PIK3C2G: variants seen among roughly 807,000 people sequenced by gnomAD.
The protein encoded by PIK3C2G is phosphatidylinositol-4-phosphate 3-kinase catalytic subunit type 2 gamma, also known as phosphatidylinositol 3-kinase C2 domain-containing subunit gamma.
Under a neutral mutation model 181.1 loss-of-function variants are expected in PIK3C2G, and 168 were observed. The observed-to-expected ratio is 0.93, with a 90% confidence interval of 0.82 to 1.05. PIK3C2G has a LOEUF of 1.05. PIK3C2G is among the 50% of genes least tolerant of loss of function. The pLI, the probability that PIK3C2G is intolerant of heterozygous loss-of-function variation, is 0.00. For synonymous variants in PIK3C2G, 573 were observed against 592.2 expected (o/e 0.97, Z 0.47); for missense variants, 1,869 against 1,732.8 (o/e 1.08, Z -1.40).
At chr12:18,496,007 G>T in intron 20 of PIK3C2G, 55 bp from the exon 21 acceptor site, 1 of 900,482 alleles carries the variant, frequency 1.1e-6, no homozygotes, top group South Asian at 1.8e-5. Context: ...TGCTTTTTGG[G>T]GATTGGGGTC....
intron 30 of PIK3C2G, 49 bp downstream of exon 30, chr12:18,594,618 G>T: frequency 3.1e-6 from 3 of 964,660 alleles, no homozygotes; most frequent in Non-Finnish European, 4.5e-6. Flanking sequence ...CAAAATAATT[G>T]GACAAAAAGA....
chr12:18,394,402 GA>G (rs2138075520), intron 15 of PIK3C2G, among the ~76,000 whole-genome samples: 2 of 152,106 alleles, frequency 1.3e-5, no homozygotes, highest in African/African-American at 4.8e-5. Context: ...AAAACTATTG[GA>G]AAATGTCTAG....
intron 32 of PIK3C2G, among the ~76,000 whole-genome samples, chr12:18,642,080 C>T (rs555445170): frequency 4.6e-5 from 7 of 152,244 alleles, no homozygotes; most frequent in Admixed American, 3.3e-4. Context: ...TACTGGGGAG[C>T]TCCATCTGAA....
chr12:18,462,515 G>A (rs1054650094), intron 18 of PIK3C2G, among the ~76,000 whole-genome samples: 2 of 152,006 alleles, frequency 1.3e-5, no homozygotes, highest in Non-Finnish European at 2.9e-5. Flanking sequence ...GCATTATCTC[G>A]ACTATCTTAG....
chr12:18,488,217 A>C (rs1374781074), intron 18 of PIK3C2G, among the ~76,000 whole-genome samples: 1 of 152,152 alleles, frequency 6.6e-6, no homozygotes, highest in East Asian at 1.9e-4. Context: ...TTATGAATTG[A>C]AATGAAGAAA....
intron 1 of PIK3C2G, 46 bp from the exon 2 acceptor site, chr12:18,281,958 T>C (rs1455307422): frequency 1.6e-6 from 1 of 642,416 alleles, no homozygotes. Context: ...ACAAGCTCTT[T>C]TCTTTCAAAT....
At chr12:18,572,698 A>G (rs1245203786) in intron 29 of PIK3C2G, among the ~76,000 whole-genome samples, 1 of 151,872 alleles carries the variant, frequency 6.6e-6, no homozygotes, top group African/African-American at 2.4e-5. Context: ...TTTTTCTAGG[A>G]CTGTAATAAC....
At chr12:18,612,238 T>C (rs1948377129) in intron 31 of PIK3C2G, among the ~76,000 whole-genome samples, 2 of 152,230 alleles carry the variant, frequency 1.3e-5, no homozygotes, top group South Asian at 4.1e-4. Flanking sequence ...AGCTCATGGA[T>C]CAATATTCTC....
intron 1 of PIK3C2G, among the ~76,000 whole-genome samples, chr12:18,273,837 C>A (rs1948854068): frequency 6.6e-6 from 1 of 151,892 alleles, no homozygotes; most frequent in Non-Finnish European, 1.5e-5. Context: ...TTCTGCAGAG[C>A]AAAAGAAACT....
chr12:18,312,746 T>C (rs1258084093), intron 5 of PIK3C2G, among the ~76,000 whole-genome samples: 1 of 152,164 alleles, frequency 6.6e-6, no homozygotes, highest in Admixed American at 6.6e-5. Context: ...GCACTGAACA[T>C]ATGTCATGAA....
intron 30 of PIK3C2G, among the ~76,000 whole-genome samples, 165 bp from the exon 31 acceptor site, chr12:18,609,370 A>G (rs947949053): frequency 4.6e-5 from 7 of 152,142 alleles, no homozygotes; most frequent in African/African-American, 9.6e-5. Flanking sequence ...TCCCATCTCT[A>G]TGTAACCAAC....
downstream of PIK3C2G, among the ~76,000 whole-genome samples, chr12:18,651,305 C>G (rs10743278): frequency 0.66 from 100,728 of 151,480 alleles, 33,793 homozygotes; most frequent in East Asian, 0.89. Flanking sequence ...CGTCTCTGCC[C>G]TGCCTACCTT....
In PIK3C2G at chr12:18,282,578, A is replaced by T; in HGVS notation, c.497A>T (p.Asn166Ile). The change falls in exon 2 of 33, where the codon AAC becomes ATC. Residue 166 changes from asparagine (N) to isoleucine (I), a missense_variant. Asn to Ile is a moderately radical substitution (Grantham distance 149). Coordinates refer to ENST00000538779, the MANE Select transcript of PIK3C2G (RefSeq NM_001288772.2). ...LEKELENENH[N>I]YHIGFESSIP... The stretch of plus-strand genomic sequence containing the variant: ...AAAGAATTAGAAAATGAAAATCATA[A>T]CTACCATATAGGATTTGAAAGTAGC... 1.9e-6 allele frequency: 3 copies of T among 1,612,118 alleles called. No individual in the cohort carries two copies. Among genetic ancestry groups the T allele is most frequent in the Non-Finnish European group, 2.5e-6 (3 of 1,178,528 alleles).
chr12:18,522,834 T>C (rs1049022070), intron 24 of PIK3C2G, among the ~76,000 whole-genome samples: 2 of 150,584 alleles, frequency 1.3e-5, no homozygotes, highest in Non-Finnish European at 3.0e-5. Flanking sequence ...TTCTAGGCCC[T>C]TTTCTCTCTC....
At chr12:18,259,647 G>A (rs920831099), upstream of PIK3C2G, among the ~76,000 whole-genome samples, 1 of 152,084 alleles carries the variant, frequency 6.6e-6, no homozygotes. Context: ...TTAGAAGGCT[G>A]TTCACCATGG....
rs758722329 is a variant in PIK3C2G at position 18,424,011 on chromosome 12, A to T, written c.2476A>T (p.Ser826Cys). ...VQLLLHRSLQSIQVAHRLYWL... is the reference protein window; with the variant it reads ...VQLLLHRSLQCIQVAHRLYWL... ...ACTTCTACTCCACCGCTCCTTGCAG[A>T]GCATCCAGGTTGCCCATCGTCTTTA... Residue 826 changes from serine (S) to cysteine (C), a missense_variant, in exon 18 of 33, where the codon AGC (serine) becomes TGC (cysteine). By Grantham distance (112) the Ser-to-Cys change is moderately radical (BLOSUM62 -1). Coordinates refer to ENST00000538779, the MANE Select transcript of PIK3C2G (RefSeq NM_001288772.2). The T allele has an allele frequency of 6.2e-7, 1 of 1,611,212 alleles. No individual in the cohort carries two copies. The highest frequency in any genetic ancestry group is 2.2e-5 in the East Asian group (1 of 44,816).
At chr12:18,559,803 TATATATATATATATATATAGAGAGAG>T (rs1399602976) in intron 26 of PIK3C2G, among the ~76,000 whole-genome samples, 134 of 51,370 alleles carry the variant, frequency 2.6e-3, no homozygotes, top group East Asian at 7.7e-3. Context: ...TATATATATA[TATATATATATATATATATAGAGAGAG>T]AGAGAGAGAG....
intron 18 of PIK3C2G, among the ~76,000 whole-genome samples, chr12:18,460,568 C>T (rs1039967235): frequency 1.9e-4 from 28 of 145,284 alleles, no homozygotes; most frequent in African/African-American, 5.1e-4. Flanking sequence ...AGCAAGACTC[C>T]GTCTCAAAAA....
chr12:18,710,198 T>C, the PIK3C2G span, among the ~76,000 whole-genome samples: 1 of 148,982 alleles, frequency 6.7e-6, no homozygotes, highest in African/African-American at 2.5e-5. Context: ...TCTTGCTTTT[T>C]GGAATCTTAG....
Sources: allele counts gnomAD v4.1 joint callset (sites outside exome capture counted in the v4.1 genomes callset), GRCh38; gene constraint gnomAD v4.1.1; transcripts MANE v1.5; gene names NCBI Gene and HGNC (gene_info 2026-07-23, HGNC 2026-07-21).